The following SORCS2 variants were observed in gnomAD, a reference collection of about 807,000 sequenced individuals.
The protein encoded by SORCS2 is sortilin related VPS10 domain containing receptor 2.
A neutral mutation model predicts 141.6 loss-of-function variants in SORCS2; 100 were observed. The ratio of observed to expected loss-of-function variants is 0.71; its 90% CI spans 0.60 to 0.83. SORCS2 has a LOEUF of 0.83. Ranked by LOEUF, SORCS2 falls within the 40% of genes least tolerant of loss-of-function variation. SORCS2 has a pLI of 0.00. For synonymous variants in SORCS2, 789 were observed against 676.9 expected, an observed-to-expected ratio of 1.17 and a Z score of -2.57; for missense variants, 1,646 against 1,560.2, an observed-to-expected ratio of 1.05 and a Z score of -0.93.
chr4:7,540,482 G>T, intron 3 of SORCS2, among the ~76,000 whole-genome samples: 1 of 152,208 alleles, frequency 6.6e-6, no homozygotes, highest in East Asian at 1.9e-4. Context: ...CCCACACTCT[G>T]TGTGCAGTAG....
At chr4:7,247,716 G>A (rs1713201659) in intron 1 of SORCS2, among the ~76,000 whole-genome samples, 1 of 152,212 alleles carries the variant, frequency 6.6e-6, no homozygotes, top group African/African-American at 2.4e-5. Context: ...TGGGGGACCT[G>A]GCGACCCTGG....
intron 3 of SORCS2, among the ~76,000 whole-genome samples, chr4:7,617,176 G>T (rs1382529955): frequency 1.3e-5 from 2 of 152,116 alleles, no homozygotes. Context: ...CTATCCAAGT[G>T]CCATTGATCT....
chr4:7,731,696 A>G (rs1711702026), intron 23 of SORCS2, among the ~76,000 whole-genome samples: 1 of 152,228 alleles, frequency 6.6e-6, no homozygotes, highest in Non-Finnish European at 1.5e-5. Flanking sequence ...AAAGCTGTCA[A>G]GAAGACACAA....
intron 9 of SORCS2, among the ~76,000 whole-genome samples, chr4:7,680,911 C>A (rs1723487462): frequency 6.6e-6 from 1 of 152,238 alleles, no homozygotes; most frequent in South Asian, 2.1e-4. Flanking sequence ...CCTGTCCCAA[C>A]CTTGCACTTT....
intron 1 of SORCS2, among the ~76,000 whole-genome samples, chr4:7,342,624 G>C (rs1386631731): frequency 2.6e-5 from 4 of 152,096 alleles, no homozygotes; most frequent in Non-Finnish European, 5.9e-5. Flanking sequence ...CGGCCTGCTT[G>C]CACCCCCTAG....
rs539988501 is a variant in SORCS2 at position 7,350,943 on chromosome 4, T to C, written c.481-45345T>C. On this transcript the variant is annotated intron_variant, in intron 1 of 26. Transcript: ENST00000507866. ...CTCTTCCCTGTGCTACTGTCTAGGG[T>C]TAGGGCAAGGGAAGGAATGCGCTCC... Among the ~76,000 whole-genome samples, 186 of 152,192 alleles carry C rather than the reference T, an allele frequency of 1.2e-3. 1 individual carries two copies. The highest frequency in any genetic ancestry group is 3.5e-3 in the Admixed American group (54 of 15,278).
At chr4:7,581,504 C>T (rs1340553334) in intron 3 of SORCS2, among the ~76,000 whole-genome samples, 2 of 152,278 alleles carry the variant, frequency 1.3e-5, no homozygotes, top group Admixed American at 6.5e-5. Context: ...GCGTATGTTA[C>T]GCATGTGGCT....
At chr4:7,564,531 G>A (rs546768839) in intron 3 of SORCS2, among the ~76,000 whole-genome samples, 4 of 152,354 alleles carry the variant, frequency 2.6e-5, no homozygotes, top group Admixed American at 1.3e-4. Context: ...GGGAGTGGAG[G>A]TTACAACTCA....
rs531844519 is a variant in SORCS2 at position 7,714,380 on chromosome 4, G to C, written c.2123+7G>C. 4 of 1,549,970 alleles carry C rather than the reference G, an allele frequency of 2.6e-6. No individual in the cohort carries two copies. Among genetic ancestry groups the C allele is most frequent in the Non-Finnish European group, 3.5e-6 (4 of 1,146,660 alleles). On this transcript the variant is annotated splice_region_variant and intron_variant, in intron 16 of 26. Transcript: ENST00000507866. Reference sequence around the variant, plus strand: ...GGGACTCGGACTTCCTGTGGTGAGCGACGGGCTCCTGGCCACGAGGCCTCA... The same window carrying C: ...GGGACTCGGACTTCCTGTGGTGAGCCACGGGCTCCTGGCCACGAGGCCTCA...
At chr4:7,475,484 G>C (rs1217239191) in intron 2 of SORCS2, among the ~76,000 whole-genome samples, 3 of 152,210 alleles carry the variant, frequency 2.0e-5, no homozygotes, top group African/African-American at 4.8e-5. Flanking sequence ...AGCCACAGGA[G>C]TGTCCCAGCC....
chr4:7,336,770 C>G (rs1276249298), intron 1 of SORCS2, among the ~76,000 whole-genome samples: 1 of 152,142 alleles, frequency 6.6e-6, no homozygotes. Context: ...AATCCCTGAG[C>G]AGCTTGGGTG....
chr4:7,205,939 G>A (rs1221626924), intron 1 of SORCS2, among the ~76,000 whole-genome samples: 3 of 152,158 alleles, frequency 2.0e-5, no homozygotes, highest in Non-Finnish European at 2.9e-5. Flanking sequence ...CCAGCTACCC[G>A]GGAGGCTGAG....
intron 1 of SORCS2, among the ~76,000 whole-genome samples, chr4:7,274,900 C>T (rs868297344): frequency 1.8e-4 from 28 of 152,286 alleles, no homozygotes; most frequent in Middle Eastern, 6.8e-3. Context: ...TGCTTCCTGG[C>T]TCTGACAGCT....
In SORCS2 at chr4:7,598,114, G is replaced by A. The variant is rs114031838; in HGVS notation, c.649-40214G>A. ...CTTCTGAGTAGTTGGGATTACAGGC[G>A]TAAGCCACCCTGCCCGGCTAATTTT... On this transcript the variant is annotated intron_variant, in intron 3 of 26. Transcript: ENST00000507866. Among the ~76,000 whole-genome samples, 1,425 of 152,188 alleles carry A rather than the reference G, an allele frequency of 9.4e-3. 10 individuals carry two copies. The highest frequency in any genetic ancestry group is 0.024 in the Middle Eastern group (7 of 294).
At chr4:7,568,939 T>A (rs1210423318) in intron 3 of SORCS2, among the ~76,000 whole-genome samples, 1 of 152,092 alleles carries the variant, frequency 6.6e-6, no homozygotes, top group Non-Finnish European at 1.5e-5. Context: ...TGGGAACAGC[T>A]CCCCAAGGCT....
At chr4:7,346,872 A>G (rs1720681405) in intron 1 of SORCS2, among the ~76,000 whole-genome samples, 1 of 152,164 alleles carries the variant, frequency 6.6e-6, no homozygotes, top group Non-Finnish European at 1.5e-5. Context: ...CCATCATAAC[A>G]TTCATCAAAC....
At chr4:7,478,036 G>A (rs572601337) in intron 2 of SORCS2, among the ~76,000 whole-genome samples, 2 of 152,286 alleles carry the variant, frequency 1.3e-5, no homozygotes, top group African/African-American at 4.8e-5. Context: ...CCCATCCCCA[G>A]CCACCGGGGG....
At chr4:7,607,296 G>A (rs1210899036) in intron 3 of SORCS2, among the ~76,000 whole-genome samples, 1 of 152,202 alleles carries the variant, frequency 6.6e-6, no homozygotes, top group Non-Finnish European at 1.5e-5. Flanking sequence ...TGAGACAGAT[G>A]CTCCACGCAG....
At chr4:7,673,374 C>T (rs1268892142) in intron 8 of SORCS2, among the ~76,000 whole-genome samples, 1 of 152,196 alleles carries the variant, frequency 6.6e-6, no homozygotes, top group Non-Finnish European at 1.5e-5. Context: ...ATGTTCATGA[C>T]CATCTCGCAG....
Sources: gnomAD v4.1 joint callset for allele counts (sites outside exome capture counted in the v4.1 genomes callset) on GRCh38, gnomAD v4.1.1 for gene constraint, MANE v1.5 for transcripts, NCBI Gene and HGNC (gene_info 2026-07-23, HGNC 2026-07-21) for gene names.